The following EXOC2 variants were observed in gnomAD, a reference collection of about 807,000 sequenced individuals.
The protein encoded by EXOC2 is SEC5-like 1.
A neutral mutation model predicts 131.8 loss-of-function variants in EXOC2; 70 were observed. The ratio of observed to expected loss-of-function variants is 0.53; its 90% confidence interval spans 0.44 to 0.65. EXOC2 has a LOEUF of 0.65. Among genes scored for constraint, EXOC2 ranks in the 30% least tolerant of loss-of-function variants. EXOC2 has a pLI of 0.00. For synonymous variants in EXOC2, 411 were observed against 398.4 expected (o/e 1.03, Z -0.38); for missense variants, 923 against 1,108.6 (o/e 0.83, Z 2.38).
Position 598,141 on chromosome 6 carries a change from A to C in EXOC2, c.971-18T>G, listed in dbSNP as rs758577302. 5.1e-6 allele frequency: 8 copies of C among 1,556,566 alleles called. No homozygotes were observed. The African/African-American group carries it at 9.6e-5, about 19-fold the overall frequency. Reference sequence around the variant, plus strand: ...AGCATAATCTATTTAAAAAGAAAAGAATACACAAGATTTACAGAATGAAAA... The same window carrying C: ...AGCATAATCTATTTAAAAAGAAAAGCATACACAAGATTTACAGAATGAAAA... On this transcript the variant is annotated intron_variant, in intron 9 of 27. Coordinates refer to ENST00000230449, the MANE Select transcript of EXOC2 (RefSeq NM_018303.6).
At position 486,764 on chromosome 6, in the gene EXOC2, C is replaced by T. The variant is rs755105209; in HGVS notation, c.2682G>A (p.Lys894=). ...LPQLSSGADK[K]LLEELLNKFK... ...ACTTGTTCAGGAGCTCTTCCAGTAA[C>T]CTGCAGGACGGAGACACTTGTTTTA... Residue 894 remains lysine, a splice_region_variant and synonymous_variant, in exon 28 of 28, where the codon AAG becomes AAA. Coordinates refer to ENST00000230449, the MANE Select transcript of EXOC2 (RefSeq NM_018303.6). 3 of 1,613,552 alleles carry T rather than the reference C, an allele frequency of 1.9e-6. No individual in the cohort carries two copies. The highest frequency in any genetic ancestry group is 1.3e-5 in the African/African-American group (1 of 75,014).
At chr6:496,933 G>A (rs971108831) in intron 25 of EXOC2, among the ~76,000 whole-genome samples, 2 of 152,188 alleles carry the variant, frequency 1.3e-5, no homozygotes, top group African/African-American at 2.4e-5. Context: ...GCATGCCAAA[G>A]TCAACTGGTG....
chr6:578,831 T>G lies in EXOC2; in HGVS notation c.1193-1949A>C, dbSNP rs183320763. Among the ~76,000 whole-genome samples, 7 of 152,308 alleles carry G rather than the reference T, an allele frequency of 4.6e-5. No homozygotes were observed. In the East Asian group the frequency reaches 1.3e-3, roughly 29 times the overall value. ...TTTTTCTAATTGACTTTTTTTCATA[T>G]AAAAATGTTTGTGTGGATGTTCTAG... On this transcript the variant is annotated intron_variant, in intron 11 of 27. Transcript: ENST00000230449.
intron 22 of EXOC2, among the ~76,000 whole-genome samples, chr6:543,816 T>C (rs1756687167): frequency 6.6e-6 from 1 of 152,150 alleles, no homozygotes. Flanking sequence ...AGGAGGAAGA[T>C]GACTGGTTAG....
rs1561950305 is a variant in EXOC2 at position 633,089 on chromosome 6, GA to G, written c.146del (p.Leu49ProfsTer2). On this transcript the variant is annotated frameshift_variant, in exon 3 of 28. Transcript: ENST00000230449. LOFTEE classifies it high-confidence loss of function. Reference sequence around the variant, plus strand: ...TTGCAGACATCCATTCTGCCGTCAGGAGGCAATTATGTCCACAAATGGTCAA... The same window carrying G: ...TTGCAGACATCCATTCTGCCGTCAGGGGCAATTATGTCCACAAATGGTCAA... ...IGLTICGHNC[L>X]LTAEWMSASK... 1 of 1,613,606 alleles carries G rather than the reference GA, an allele frequency of 6.2e-7. No homozygotes were observed. Among genetic ancestry groups the G allele is most frequent in the Admixed American group, 1.7e-5 (1 of 59,944 alleles).
At chr6:489,696 T>A (rs561801589) in intron 26 of EXOC2, among the ~76,000 whole-genome samples, 1 of 152,358 alleles carries the variant, frequency 6.6e-6, no homozygotes, top group East Asian at 1.9e-4. Context: ...GGTAATTAAC[T>A]TGTACCATTC....
At position 532,449 on chromosome 6, in the gene EXOC2, C is replaced by T. The variant is rs754104808; in HGVS notation, c.2380+20G>A. ...TAAAAGTATATCCACATCTATTACT[C>T]AAGAAACTTTATTACTTACCTGTTG... On this transcript the variant is annotated intron_variant, in intron 23 of 27. Coordinates refer to ENST00000230449, the MANE Select transcript of EXOC2 (RefSeq NM_018303.6). 6.5e-7 allele frequency: 1 copy of T among 1,537,930 alleles called. No homozygotes were observed. The highest frequency in any genetic ancestry group is 2.4e-5 in the East Asian group (1 of 41,932).
chr6:575,143 A>G (rs1016072456), intron 12 of EXOC2, among the ~76,000 whole-genome samples: 1 of 152,224 alleles, frequency 6.6e-6, no homozygotes, highest in Admixed American at 6.5e-5. Context: ...ATAATGAGTG[A>G]GTTCTTGCTC....
chr6:641,934 T>C (rs920624947), intron 1 of EXOC2, among the ~76,000 whole-genome samples: 3 of 152,122 alleles, frequency 2.0e-5, no homozygotes, highest in African/African-American at 7.2e-5. Flanking sequence ...TTTAAAATAA[T>C]CTTCTATGAA....
Position 598,933 on chromosome 6 carries a change from A to G in EXOC2, c.897T>C (p.Tyr299=). Residue 299 remains tyrosine, a synonymous_variant, in exon 9 of 28, where the codon TAT becomes TAC. Transcript: ENST00000230449. ...NIERNIQKGD[Y]DVVINDYEKA... ...TTTCATAATCATTAATAACCACATC[A>G]TAATCACCCTTTAAAATAAAGAAAC... 6.2e-7 allele frequency: 1 copy of G among 1,605,754 alleles called. No individual in the cohort carries two copies. Among genetic ancestry groups the G allele is most frequent in the Non-Finnish European group, 8.5e-7 (1 of 1,177,802 alleles).
rs996283127 is a variant in EXOC2, at chr6:506,249, G to A, written c.2381-6549C>T. ...TCATTAGGTATTTGCTGAATGCTCC[G>A]CACGTGCTGGATATTAGGAAGATGT... On this transcript the variant is annotated intron_variant, in intron 23 of 27. Transcript: ENST00000230449. This position sits in a 1 kb window ranked among gnomAD's most constrained non-coding sequence, Gnocchi z 4.4. 1.1e-4 allele frequency among the ~76,000 whole-genome samples: 17 copies of A among 152,142 alleles called. No homozygotes were observed. Among genetic ancestry groups the A allele is most frequent in the Non-Finnish European group, 1.8e-4 (12 of 68,036 alleles).
chr6:567,631 AAT>A (rs1384285259), intron 13 of EXOC2, among the ~76,000 whole-genome samples: 3 of 152,110 alleles, frequency 2.0e-5, no homozygotes, highest in East Asian at 1.9e-4. Context: ...GTTATACATT[AAT>A]GTTTCATACA....
chr6:527,021 C>T (rs555629016), intron 23 of EXOC2, among the ~76,000 whole-genome samples: 6 of 152,282 alleles, frequency 3.9e-5, no homozygotes, highest in South Asian at 2.1e-4. Context: ...ATGCTGACTA[C>T]GTTACTAAAC....
intron 1 of EXOC2, among the ~76,000 whole-genome samples, chr6:680,844 C>T (rs1764370562): frequency 6.6e-6 from 1 of 152,262 alleles, no homozygotes; most frequent in Admixed American, 6.5e-5. Context: ...CTTGCCTGGG[C>T]TTGTCATCAT....
intron 1 of EXOC2, among the ~76,000 whole-genome samples, chr6:666,200 A>G (rs1763638010): frequency 6.6e-6 from 1 of 152,182 alleles, no homozygotes; most frequent in African/African-American, 2.4e-5. Flanking sequence ...CACATGAAAC[A>G]TTTTTAGCTG....
chr6:564,117 T>C lies in EXOC2; in HGVS notation c.1705A>G (p.Asn569Asp), dbSNP rs1757842857. ...HESLTALEIPNDLLQTIQDLI... is the reference protein window; with the variant it reads ...HESLTALEIPDDLLQTIQDLI... The stretch of plus-strand genomic sequence containing the variant: ...TCCTGGATAGTCTGTAACAGGTCAT[T>C]AGGAATTTCAAGGGCAGTCAACGAT... Residue 569 changes from asparagine (N) to aspartate (D), a missense_variant, in exon 16 of 28, where the codon AAT becomes GAT. Transcript: ENST00000230449. The C allele has an allele frequency of 6.2e-7, 1 of 1,613,888 alleles. No homozygotes were observed. The highest frequency in any genetic ancestry group is 1.3e-5 in the African/African-American group (1 of 74,888).
chr6:511,761 C>T (rs1379141858), intron 23 of EXOC2, among the ~76,000 whole-genome samples: 2 of 152,230 alleles, frequency 1.3e-5, no homozygotes, highest in African/African-American at 2.4e-5. Context: ...AACAGTGCCT[C>T]GTTTCATAGA....
In EXOC2 at chr6:506,900, G is replaced by T. The variant is rs867190061; in HGVS notation, c.2381-7200C>A. The stretch of plus-strand genomic sequence containing the variant: ...TTTCCTCTTTTAATCATATAGGAAG[G>T]TCACTTGATTTTGGAACAGGCAAAC... On this transcript the variant is annotated intron_variant, in intron 23 of 27. Transcript: ENST00000230449. This position sits in a 1 kb window ranked among gnomAD's most constrained non-coding sequence, Gnocchi z 4.4. Among the ~76,000 whole-genome samples, 2 of 152,042 alleles carry T rather than the reference G, an allele frequency of 1.3e-5. No individual in the cohort carries two copies. Among genetic ancestry groups the T allele is most frequent in the African/African-American group, 4.8e-5 (2 of 41,376 alleles).
chr6:544,459 T>C (rs984013315), intron 22 of EXOC2, among the ~76,000 whole-genome samples: 4 of 152,234 alleles, frequency 2.6e-5, no homozygotes, highest in Admixed American at 1.3e-4. Context: ...GATCAACTTA[T>C]AATTTCTGTC....
Sources: allele counts gnomAD v4.1 joint callset (sites outside exome capture counted in the v4.1 genomes callset), GRCh38; gene constraint gnomAD v4.1.1; non-coding constraint Gnocchi (gnomAD v3.1); transcripts MANE v1.5; gene names NCBI Gene and HGNC (gene_info 2026-07-23, HGNC 2026-07-21).